TNRC18: variants seen among roughly 807,000 people sequenced by gnomAD.
TNRC18 encodes trinucleotide repeat containing 18.
In TNRC18, 69 loss-of-function variants were observed where a neutral mutation model predicts 226.7. The observed-to-expected ratio is 0.30, with a 90% CI of 0.25 to 0.37. The LOEUF (loss-of-function observed/expected upper bound fraction) is 0.37, where lower values mean the gene tolerates loss of function less well. Among genes scored for constraint, TNRC18 ranks in the 10% least tolerant of loss-of-function variants. The pLI is 1.00. For synonymous variants in TNRC18, 2,449 were observed against 1,927.6 expected (o/e 1.27, Z -7.09); for missense variants, 4,754 against 4,256.6 (o/e 1.12, Z -3.25).
intron 14 of TNRC18, among the ~76,000 whole-genome samples, chr7:5,360,981 C>T (rs191733738): frequency 6.6e-5 from 10 of 152,184 alleles, no homozygotes; most frequent in South Asian, 2.1e-4. Flanking sequence ...CTTTCCTTGA[C>T]GGGCCCCTTT....
rs1185647794 is a variant in TNRC18, at chr7:5,315,133, G to A, written c.6878C>T (p.Pro2293Leu). The A allele has an allele frequency of 2.5e-6, 4 of 1,612,066 alleles. No individual in the cohort carries two copies. Among genetic ancestry groups the A allele is most frequent in the Non-Finnish European group, 3.4e-6 (4 of 1,179,514 alleles). ...DYKIQCAEPS[P>L]ALLVPSAKRR... Reference sequence around the variant, plus strand: ...CTTGGCACTTGGCACCAGAAGGGCCGGGGACGGCTCAGCACCTGTGGGGCA... The same window carrying A: ...CTTGGCACTTGGCACCAGAAGGGCCAGGGACGGCTCAGCACCTGTGGGGCA... The change falls in exon 26 of 30, where the codon CCG (proline) becomes CTG (leucine). Residue 2293 changes from proline (P) to leucine (L), a missense_variant. Coordinates refer to ENST00000430969, the MANE Select transcript of TNRC18 (RefSeq NM_001080495.3).
At chr7:5,412,775 T>C (rs1043298798) in intron 2 of TNRC18, among the ~76,000 whole-genome samples, 5 of 152,140 alleles carry the variant, frequency 3.3e-5, no homozygotes, top group African/African-American at 1.2e-4. Context: ...GGAGCAGTGT[T>C]CTATCTGGGG....
chr7:5,390,729 T>C (rs1780232211), intron 3 of TNRC18, 101 bp from the exon 4 acceptor site: 37 of 1,370,382 alleles, frequency 2.7e-5, no homozygotes, highest in Non-Finnish European at 3.6e-5. Flanking sequence ...AGCCGACCGC[T>C]GGTACAGGGC....
chr7:5,307,618 G>A lies in TNRC18; in HGVS notation c.*488C>T, dbSNP rs1043706038. On this transcript the variant is annotated 3_prime_UTR_variant, in exon 30 of 30. Transcript: ENST00000430969. ...ACAGTCAGGTAGGCCAGCTGGCATC[G>A]GGCTGCCCTGTCCCATGCACGGTGG... The A allele has an allele frequency of 2.3e-4, 101 of 439,392 alleles. No individual in the cohort carries two copies. Among genetic ancestry groups the A allele is most frequent in the African/African-American group, 1.5e-3 (74 of 49,452 alleles). The allele number at this position is 439,392 out of a possible 1,614,324, so 27.2% of individuals were successfully genotyped here. A position where few individuals can be genotyped will look rare whatever the true frequency, so the allele number is the denominator to read the frequency against.
In TNRC18 at chr7:5,420,929, G is replaced by A. The variant is rs188362071; in HGVS notation, c.187+131C>T. On this transcript the variant is annotated intron_variant, in intron 2 of 29. Transcript: ENST00000430969. ...CAGGAGTTTCCCAGCCCTGGGAGCC[G>A]AGTCTGCCCGCACCCCCGTGGCCGA... is the stretch of plus-strand genomic sequence containing the variant. The A allele has an allele frequency of 2.5e-3, 2,889 of 1,152,566 alleles. 11 individuals carry two copies. The highest frequency in any genetic ancestry group is 2.9e-3 in the Middle Eastern group (15 of 5,122). 71.4% of individuals were successfully genotyped at this position (1,152,566 alleles called of 1,614,324 possible).
intron 3 of TNRC18, among the ~76,000 whole-genome samples, chr7:5,393,123 A>G (rs116602434): frequency 0.015 from 2,346 of 152,346 alleles, 55 homozygotes; most frequent in African/African-American, 0.053. Context: ...GGTCATCACT[A>G]GGATTTGTTG....
rs1484902041 is a variant in TNRC18 at position 5,390,756 on chromosome 7, G to C, written c.344-128C>G. 4 of 1,103,050 alleles carry C rather than the reference G, an allele frequency of 3.6e-6. No homozygotes were observed. In the African/African-American group the frequency reaches 4.7e-5, roughly 13 times the overall value. 68.3% of individuals were successfully genotyped at this position (1,103,050 alleles called of 1,614,324 possible). A position where few individuals can be genotyped will look rare whatever the true frequency, so the allele number is the denominator to read the frequency against. On this transcript the variant is annotated intron_variant, in intron 3 of 29. Transcript: ENST00000430969. ...GTACAGGGCGCCTTGAGGTTTAACA[G>C]CAGCTCCTCAGGGCAATGCATTCTC... is the stretch of plus-strand genomic sequence containing the variant.
In TNRC18 at chr7:5,388,426, G is replaced by C. The variant is rs1390916571; in HGVS notation, c.1398C>G (p.Leu466=). The C allele has an allele frequency of 2.0e-6, 3 of 1,477,624 alleles. No homozygotes were observed. The highest frequency in any genetic ancestry group is 2.7e-5 in the Admixed American group (1 of 36,610). 91.5% of individuals were successfully genotyped at this position (1,477,624 alleles called of 1,614,324 possible). A position where few individuals can be genotyped will look rare whatever the true frequency, so the allele number is the denominator to read the frequency against. Residue 466 remains leucine (L), a synonymous_variant, in exon 5 of 30, where the codon CTC becomes CTG. Coordinates refer to ENST00000430969, the MANE Select transcript of TNRC18 (RefSeq NM_001080495.3). The part of the protein sequence containing the change: ...PRAYVPAKEL[L]KPEADPRPCE... Reference sequence around the variant, plus strand: ...AGGGCCTCGGGTCCGCCTCGGGCTTGAGCAGCTCCTTGGCAGGCACGTAGG... The same window carrying C: ...AGGGCCTCGGGTCCGCCTCGGGCTTCAGCAGCTCCTTGGCAGGCACGTAGG...
intron 2 of TNRC18, among the ~76,000 whole-genome samples, chr7:5,411,304 T>C (rs1264656278): frequency 6.6e-6 from 1 of 151,170 alleles, no homozygotes; most frequent in Non-Finnish European, 1.5e-5. Context: ...AATGGCATCA[T>C]ATTCCTGAAA....
intron 24 of TNRC18, 158 bp downstream of exon 24, chr7:5,320,160 G>C: frequency 1.6e-6 from 1 of 624,812 alleles, no homozygotes; most frequent in Non-Finnish European, 2.9e-6. Flanking sequence ...CGTTTAAATG[G>C]TGCCTGGATC....
intron 2 of TNRC18, among the ~76,000 whole-genome samples, chr7:5,416,968 T>C (rs1782230525): frequency 1.1e-5 from 1 of 92,302 alleles, no homozygotes; most frequent in African/African-American, 3.7e-5. Context: ...GTTGACAGAG[T>C]AAAACCCTGT....
chr7:5,335,301 CAAAAA>C (rs1167746227), intron 18 of TNRC18, among the ~76,000 whole-genome samples: 2 of 58,520 alleles, frequency 3.4e-5, no homozygotes, highest in Admixed American at 2.5e-4. Flanking sequence ...GAATCTGTCT[CAAAAA>C]AAAAAAAAAA....
rs1780021181 is a variant in TNRC18, at chr7:5,388,719, C to G, written c.1105G>C (p.Val369Leu). The part of the protein sequence containing the change: ...VFREQGREHR[V>L]VAPTFVPSVE... The stretch of plus-strand genomic sequence containing the variant: ...GAAGGCACGAAGGTGGGCGCCACCA[C>G]GCGGTGCTCACGGCCCTGCTCGCGG... Residue 369 changes from valine to leucine, a missense_variant, in exon 5 of 30, where the codon GTG (valine) becomes CTG (leucine). Physicochemically the swap from Val to Leu is conservative, Grantham distance 32. Coordinates refer to ENST00000430969, the MANE Select transcript of TNRC18 (RefSeq NM_001080495.3). 1.6e-6 allele frequency: 2 copies of G among 1,263,422 alleles called. No individual in the cohort carries two copies. The highest frequency in any genetic ancestry group is 2.0e-6 in the Non-Finnish European group (2 of 1,002,386). The allele number at this position is 1,263,422 out of a possible 1,614,324, so 78.3% of individuals were successfully genotyped here.
rs758338553 is a variant in TNRC18 at position 5,370,518 on chromosome 7, G to C, written c.4076C>G (p.Ser1359Cys). 3.7e-6 allele frequency: 6 copies of C among 1,600,426 alleles called. No individual in the cohort carries two copies. Among genetic ancestry groups the C allele is most frequent in the Non-Finnish European group, 5.1e-6 (6 of 1,173,842 alleles). ...GGCCTGGGCTCCAGCAGCACCCGGGGAGGGCAGAGGCCTGGCCTGGGGCAG... is the reference window on the plus strand; with the variant it reads ...GGCCTGGGCTCCAGCAGCACCCGGGCAGGGCAGAGGCCTGGCCTGGGGCAG... ...AELPQARPLP[S>C]PGAAGAQALE... Residue 1359 changes from serine (S) to cysteine (C), a missense_variant, in exon 11 of 30, where the codon TCC becomes TGC. Transcript: ENST00000430969.
chr7:5,409,982 C>T (rs1781737528), intron 2 of TNRC18, among the ~76,000 whole-genome samples: 1 of 147,162 alleles, frequency 6.8e-6, no homozygotes, highest in Non-Finnish European at 1.5e-5. Flanking sequence ...AAGAGCAAGA[C>T]TACGTCTCAA....
chr7:5,390,560 T>G lies in TNRC18; in HGVS notation c.412A>C (p.Ser138Arg), dbSNP rs764817331. Residue 138 changes from serine (S) to arginine (R), a missense_variant, in exon 4 of 30, where the codon AGT (serine) becomes CGT (arginine). Coordinates refer to ENST00000430969, the MANE Select transcript of TNRC18 (RefSeq NM_001080495.3). ...AGCTGGCTGAGGAGGGGGCTCCCAC[T>G]GCTGGGGGGCTCCAGGTGGTTCAGG... Reference protein sequence around the residue: ...LHLNHLEPPSSGSPLLSQLGQ... With the variant: ...LHLNHLEPPSRGSPLLSQLGQ... 76 of 1,613,168 alleles carry G rather than the reference T, an allele frequency of 4.7e-5. No homozygotes were observed. Among genetic ancestry groups the G allele is most frequent in the Non-Finnish European group, 6.4e-5 (76 of 1,179,660 alleles).
chr7:5,327,401 G>C (rs199784680), intron 19 of TNRC18, among the ~76,000 whole-genome samples: 10 of 138,900 alleles, frequency 7.2e-5, no homozygotes, highest in East Asian at 2.6e-4. Context: ...GTGTGTGTGT[G>C]TGTGTGTGTG....
At chr7:5,348,033 G>C (rs911124206) in intron 17 of TNRC18, among the ~76,000 whole-genome samples, 7 of 152,312 alleles carry the variant, frequency 4.6e-5, no homozygotes, top group South Asian at 4.2e-4. Context: ...CTTAAGATGA[G>C]CTTCATCCAG....
Position 5,307,937 on chromosome 7 carries a change from T to A in TNRC18, c.*169A>T. The A allele has an allele frequency of 1.6e-6, 1 of 635,552 alleles. No homozygotes were observed. Among genetic ancestry groups the A allele is most frequent in the South Asian group, 1.9e-5 (1 of 53,096 alleles). 39.4% of individuals were successfully genotyped at this position (635,552 alleles called of 1,614,324 possible). On this transcript the variant is annotated 3_prime_UTR_variant, in exon 30 of 30. Transcript: ENST00000430969. ...GCATGTGCACATGCGTGCACACACG[T>A]GCATGCACACACACTCACCCGGGCA...
Sources: allele counts gnomAD v4.1 joint callset (sites outside exome capture counted in the v4.1 genomes callset), GRCh38; gene constraint gnomAD v4.1.1; transcripts MANE v1.5; gene names NCBI Gene and HGNC (gene_info 2026-07-23, HGNC 2026-07-21).